TSPAN12: variants seen among roughly 807,000 people sequenced by gnomAD.
TSPAN12 encodes the protein tetraspanin-12.
A neutral mutation model predicts 39.2 loss-of-function variants in TSPAN12; 19 were observed. The observed-to-expected ratio is 0.49, with a 90% CI of 0.34 to 0.71. The LOEUF (loss-of-function observed/expected upper bound fraction) is 0.71. TSPAN12 is among the 30% of genes least tolerant of loss of function. The probability of loss-of-function intolerance (pLI) is 0.01; values close to 1 mark genes in which losing one functional copy is unlikely to be tolerated. For synonymous variants in TSPAN12, 119 were observed against 124.8 expected, an observed-to-expected ratio of 0.95 and a Z score of 0.31; for missense variants, 314 against 359.9, an observed-to-expected ratio of 0.87 and a Z score of 1.03.
At chr7:120,808,329 CCTT>C (rs1793914263) in intron 6 of TSPAN12, among the ~76,000 whole-genome samples, 1 of 152,138 alleles carries the variant, frequency 6.6e-6, no homozygotes, top group Non-Finnish European at 1.5e-5. Flanking sequence ...ATATAATTGT[CCTT>C]CTTCAACAGA....
intron 2 of TSPAN12, among the ~76,000 whole-genome samples, chr7:120,851,811 C>T (rs541184520): frequency 6.6e-6 from 1 of 152,190 alleles, no homozygotes; most frequent in Non-Finnish European, 1.5e-5. Flanking sequence ...CCTATGTGCT[C>T]CTTCCCATCA....
intron 2 of TSPAN12, among the ~76,000 whole-genome samples, chr7:120,849,500 C>T (rs1274903517): frequency 6.6e-6 from 1 of 152,146 alleles, no homozygotes; most frequent in Non-Finnish European, 1.5e-5. Context: ...AACATATAGT[C>T]CCACATAAGA....
At chr7:120,839,059 A>T in intron 3 of TSPAN12, 147 bp from the exon 4 acceptor site, 1 of 882,178 alleles carries the variant, frequency 1.1e-6, no homozygotes, top group South Asian at 1.6e-5. Context: ...TTTCAAAATC[A>T]CTGTGCTATT....
intron 6 of TSPAN12, among the ~76,000 whole-genome samples, chr7:120,808,789 T>C (rs1793923097): frequency 6.6e-6 from 1 of 152,036 alleles, no homozygotes; most frequent in South Asian, 2.1e-4. Context: ...CTTTCTGCAA[T>C]ACAGGTTATT....
At chr7:120,839,183 C>T (rs1794533784) in intron 3 of TSPAN12, among the ~76,000 whole-genome samples, 1 of 152,052 alleles carries the variant, frequency 6.6e-6, no homozygotes, top group African/African-American at 2.4e-5. Context: ...TATACAGGAC[C>T]TTGATAAAAG....
intron 4 of TSPAN12, among the ~76,000 whole-genome samples, chr7:120,824,516 T>G (rs976834794): frequency 6.6e-6 from 1 of 152,168 alleles, no homozygotes; most frequent in Non-Finnish European, 1.5e-5. Context: ...GTTCGTTCAG[T>G]TCAATCACAA....
intron 4 of TSPAN12, among the ~76,000 whole-genome samples, chr7:120,821,094 T>C (rs1325167936): frequency 6.6e-6 from 1 of 152,176 alleles, no homozygotes; most frequent in African/African-American, 2.4e-5. Context: ...AATTAGAATG[T>C]CATTATTTCC....
intron 4 of TSPAN12, among the ~76,000 whole-genome samples, chr7:120,832,114 A>C (rs1471370020): frequency 6.6e-6 from 1 of 152,082 alleles, no homozygotes; most frequent in African/African-American, 2.4e-5. Flanking sequence ...ACTATCATGT[A>C]ATGCTTTATC....
intron 4 of TSPAN12, among the ~76,000 whole-genome samples, chr7:120,832,862 C>T (rs928991694): frequency 6.6e-6 from 1 of 152,094 alleles, no homozygotes; most frequent in Non-Finnish European, 1.5e-5. Context: ...TTATAATAAG[C>T]ATACCAAAAG....
chr7:120,833,183 T>C (rs1794419006), intron 4 of TSPAN12, among the ~76,000 whole-genome samples: 1 of 151,970 alleles, frequency 6.6e-6, no homozygotes, highest in Non-Finnish European at 1.5e-5. Context: ...ATATGATGAA[T>C]CTTCATTTAG....
chr7:120,792,673 T>C (rs556486621), intron 7 of TSPAN12, among the ~76,000 whole-genome samples: 6 of 152,184 alleles, frequency 3.9e-5, no homozygotes, highest in Admixed American at 3.3e-4. Flanking sequence ...CTAAGCTAAC[T>C]GAGTAGAAAC....
chr7:120,821,746 C>T (rs1167306953), intron 4 of TSPAN12, among the ~76,000 whole-genome samples: 2 of 152,110 alleles, frequency 1.3e-5, no homozygotes, highest in Non-Finnish European at 2.9e-5. Context: ...TACCACTCTA[C>T]CTGGCACATA....
chr7:120,808,545 G>A (rs1450464700), intron 6 of TSPAN12, among the ~76,000 whole-genome samples: 3 of 152,154 alleles, frequency 2.0e-5, no homozygotes, highest in African/African-American at 7.2e-5. Context: ...TGAGGCCTTT[G>A]ACAGTCAAGT....
At chr7:120,848,580 A>G (rs532159658) in intron 2 of TSPAN12, among the ~76,000 whole-genome samples, 1 of 152,368 alleles carries the variant, frequency 6.6e-6, no homozygotes, top group South Asian at 2.1e-4. Context: ...GAAGCTGGCT[A>G]AAGTGTTCTC....
intron 4 of TSPAN12, among the ~76,000 whole-genome samples, chr7:120,823,156 T>G (rs1794220026): frequency 6.6e-6 from 1 of 151,966 alleles, no homozygotes; most frequent in Non-Finnish European, 1.5e-5. Flanking sequence ...TGACTTGGAA[T>G]CCAGGAAACA....
At chr7:120,803,461 C>A (rs576154727) in intron 7 of TSPAN12, among the ~76,000 whole-genome samples, 1 of 152,234 alleles carries the variant, frequency 6.6e-6, no homozygotes, top group African/African-American at 2.4e-5. Flanking sequence ...TTCTCCAGGG[C>A]AAAGTAGAAT....
chr7:120,788,525 A>G lies in TSPAN12; in HGVS notation c.*67T>C. On this transcript the variant is annotated 3_prime_UTR_variant, in exon 8 of 8. Coordinates refer to ENST00000222747, the MANE Select transcript of TSPAN12 (RefSeq NM_012338.4). ...ATTTCTACATATTTCTGAAACACAT[A>G]GTATGTACTCAAAAATTCACAAGTC... 1 of 1,554,264 alleles carries G rather than the reference A, an allele frequency of 6.4e-7. No homozygotes were observed. The highest frequency in any genetic ancestry group is 1.7e-5 in the Admixed American group (1 of 59,902).
At chr7:120,857,327 A>C in intron 1 of TSPAN12, 1 of 161,236 alleles carries the variant, frequency 6.2e-6, no homozygotes, top group Admixed American at 5.8e-5. Context: ...GCACCCCTCT[A>C]CCCCGTCCCG....
intron 4 of TSPAN12, among the ~76,000 whole-genome samples, chr7:120,838,042 A>G (rs968784908): frequency 1.3e-5 from 2 of 152,244 alleles, no homozygotes; most frequent in Non-Finnish European, 2.9e-5. Flanking sequence ...AAAAAAGCGT[A>G]TACTCAATGA....
Sources: gnomAD v4.1 joint callset for allele counts (sites outside exome capture counted in the v4.1 genomes callset) on GRCh38, gnomAD v4.1.1 for gene constraint, MANE v1.5 for transcripts, NCBI Gene and HGNC (gene_info 2026-07-23, HGNC 2026-07-21) for gene names.